Variants in UQCRC2 observed in about 807,000 individuals in gnomAD.
UQCRC2 encodes the protein ubiquinol-cytochrome c reductase core protein 2.
A neutral mutation model predicts 55.6 loss-of-function variants in UQCRC2; 49 were observed. The ratio of observed to expected loss-of-function variants is 0.88; its 90% CI spans 0.70 to 1.12. The LOEUF (loss-of-function observed/expected upper bound fraction) is 1.12. UQCRC2 is among the 50% of genes most tolerant of loss of function. The probability of loss-of-function intolerance (pLI) is 0.00; values close to 1 mark genes in which losing one functional copy is unlikely to be tolerated. For synonymous variants in UQCRC2, 193 were observed against 192.0 expected, an observed-to-expected ratio of 1.01 and a Z score of -0.04; for missense variants, 506 against 547.8, an observed-to-expected ratio of 0.92 and a Z score of 0.76.
intron 4 of UQCRC2, among the ~76,000 whole-genome samples, chr16:21,961,625 TTTATATATATATATATATATA>T (rs1898200680): frequency 2.2e-5 from 2 of 89,676 alleles, no homozygotes; most frequent in East Asian, 7.8e-4. Context: ...TAACATAAAA[TTTATATATATATATATATATA>T]TATATATATA....
intron 4 of UQCRC2, among the ~76,000 whole-genome samples, chr16:21,961,682 C>T (rs1298171744): frequency 1.9e-5 from 2 of 105,992 alleles, no homozygotes; most frequent in African/African-American, 2.8e-5. Context: ...TAGACAGTCT[C>T]GCTGTGTCGC....
intron 12 of UQCRC2, 57 bp from the exon 13 acceptor site, chr16:21,980,490 G>GAA (rs141408124): frequency 4.8e-4 from 694 of 1,449,016 alleles, no homozygotes; most frequent in Middle Eastern, 7.2e-4. Flanking sequence ...CCACCACTCA[G>GAA]AAAAAAAAAA....
At chr16:21,972,162 A>C (rs1898479891) in intron 10 of UQCRC2, 40 bp downstream of exon 10, 6 of 1,576,980 alleles carry the variant, frequency 3.8e-6, no homozygotes, top group Non-Finnish European at 5.2e-6. Context: ...TTGCTTTCAA[A>C]GGCTCAGTAT....
intron 1 of UQCRC2, 122 bp from the exon 2 acceptor site, chr16:21,957,113 G>T: frequency 1.3e-6 from 1 of 780,058 alleles, no homozygotes; most frequent in Non-Finnish European, 2.0e-6. Flanking sequence ...TCCCATGGAG[G>T]TGGTTATTGC....
At chr16:21,957,119 A>G in intron 1 of UQCRC2, 116 bp from the exon 2 acceptor site, 2 of 853,920 alleles carry the variant, frequency 2.3e-6, no homozygotes, top group Non-Finnish European at 3.6e-6. Context: ...GGAGGTGGTT[A>G]TTGCTCCTTC....
chr16:21,965,300 A>C, intron 6 of UQCRC2, 108 bp from the exon 7 acceptor site: 2 of 915,148 alleles, frequency 2.2e-6, no homozygotes, highest in South Asian at 2.8e-5. Flanking sequence ...TAACATATGA[A>C]TGCCAGAAGA....
At chr16:21,971,434 A>T in intron 8 of UQCRC2, 91 bp from the exon 9 acceptor site, 6 of 1,066,232 alleles carry the variant, frequency 5.6e-6, no homozygotes, top group Non-Finnish European at 2.8e-6. Flanking sequence ...TTAGGATTTT[A>T]CAATCGTATT....
chr16:21,965,312 G>T, intron 6 of UQCRC2, 96 bp from the exon 7 acceptor site: 2 of 1,178,684 alleles, frequency 1.7e-6, no homozygotes, highest in South Asian at 1.3e-5. Flanking sequence ...GCCAGAAGAT[G>T]ACCAAATTTG....
chr16:21,966,893 T>C (rs909165991), intron 7 of UQCRC2, among the ~76,000 whole-genome samples: 21 of 152,186 alleles, frequency 1.4e-4, no homozygotes, highest in Non-Finnish European at 2.9e-4. Context: ...GGGAACTAGT[T>C]AAATAACTTA....
At chr16:21,957,360 T>C in intron 2 of UQCRC2, 42 bp downstream of exon 2, 1 of 1,613,996 alleles carries the variant, frequency 6.2e-7, no homozygotes, top group South Asian at 1.1e-5. Context: ...ATACATGCCT[T>C]ACTCTCCTTG....
chr16:21,972,876 C>G (rs375620521), intron 10 of UQCRC2, among the ~76,000 whole-genome samples: 3 of 152,230 alleles, frequency 2.0e-5, no homozygotes, highest in Non-Finnish European at 2.9e-5. Context: ...CCAAGTTGGG[C>G]GGATCACAAG....
intron 4 of UQCRC2, among the ~76,000 whole-genome samples, chr16:21,958,899 G>GT (rs1351919873): frequency 6.6e-6 from 1 of 152,156 alleles, no homozygotes; most frequent in Non-Finnish European, 1.5e-5. Context: ...GAATTTTGTG[G>GT]TTTCCCAGTG....
intron 6 of UQCRC2, chr16:21,963,187 G>T: frequency 4.9e-6 from 1 of 202,918 alleles, no homozygotes. Context: ...ACAGGGTTTT[G>T]CCATGTTGGT....
rs757625414 is a variant in UQCRC2, at chr16:21,971,570, A to G, written c.716A>G (p.Asn239Ser). The change falls in exon 9 of 14, where the codon AAC (asparagine) becomes AGC (serine). Residue 239 changes from asparagine (N) to serine (S), a missense_variant. By Grantham distance (46) the Asn-to-Ser change is conservative. Transcript: ENST00000268379. ...VLKQVAEQFLNMRGGLGLSGA... is the reference protein window; with the variant it reads ...VLKQVAEQFLSMRGGLGLSGA... ...AAGCAAGTTGCTGAACAGTTTCTCA[A>G]CATGAGGGGTGGGCTTGGTTTATCT... The G allele has an allele frequency of 3.1e-6, 5 of 1,614,190 alleles. No homozygotes were observed. The East Asian group carries it at 1.1e-4, about 36-fold the overall frequency.
At chr16:21,972,148 C>A in intron 10 of UQCRC2, 26 bp downstream of exon 10, 1 of 1,598,338 alleles carries the variant, frequency 6.3e-7, no homozygotes. Flanking sequence ...TGGTATCTCT[C>A]TTTTTGCTTT....
At chr16:21,975,581 G>T (rs542316392) in intron 11 of UQCRC2, among the ~76,000 whole-genome samples, 2 of 152,074 alleles carry the variant, frequency 1.3e-5, no homozygotes, top group Non-Finnish European at 2.9e-5. Flanking sequence ...CACATCCCCG[G>T]AACTTTATTC....
At chr16:21,967,028 G>T (rs1898343908) in intron 7 of UQCRC2, among the ~76,000 whole-genome samples, 2 of 152,048 alleles carry the variant, frequency 1.3e-5, no homozygotes, top group African/African-American at 4.8e-5. Context: ...TTAATAAAAG[G>T]TATGTATGTA....
At position 21,968,622 on chromosome 16, in the gene UQCRC2, C is replaced by T. The variant is rs1302309678; in HGVS notation, c.613-6C>T. ...ATAACCTAATAAGTGTTTTTAACTT[C>T]CTCAGTTACATTACTTCGTTCAGAA... is the stretch of plus-strand genomic sequence containing the variant. On this transcript the variant is annotated splice_polypyrimidine_tract_variant and splice_region_variant and intron_variant, in intron 7 of 13. Transcript: ENST00000268379. The T allele has an allele frequency of 2.5e-6, 4 of 1,599,652 alleles. No individual in the cohort carries two copies. The highest frequency in any genetic ancestry group is 3.4e-6 in the Non-Finnish European group (4 of 1,173,870).
rs1361891447 is a variant in UQCRC2 at position 21,953,407 on chromosome 16, C to G, written c.-17C>G. 3 of 1,612,648 alleles carry G rather than the reference C, an allele frequency of 1.9e-6. No individual in the cohort carries two copies. Among genetic ancestry groups the G allele is most frequent in the East Asian group, 2.2e-5 (1 of 44,834 alleles). ...CTTTAATCCGGCAGTGACCGTGTGTCAGAACAATCTTGAATCATGAAGCTA... is the reference window on the plus strand; with the variant it reads ...CTTTAATCCGGCAGTGACCGTGTGTGAGAACAATCTTGAATCATGAAGCTA... On this transcript the variant is annotated 5_prime_UTR_variant, in exon 1 of 14. Transcript: ENST00000268379.
Sources: gnomAD v4.1 joint callset for allele counts (sites outside exome capture counted in the v4.1 genomes callset) on GRCh38, gnomAD v4.1.1 for gene constraint, MANE v1.5 for transcripts, NCBI Gene and HGNC (gene_info 2026-07-23, HGNC 2026-07-21) for gene names.